Variants in DCLK1 observed in about 807,000 individuals in gnomAD.
DCLK1 encodes serine/threonine-protein kinase DCLK1.
DCLK1 carries 16 observed loss-of-function variants against 86.2 expected under a neutral mutation model. That is an observed-to-expected ratio of 0.19 (90% CI 0.13 to 0.28). DCLK1 has a LOEUF of 0.28. Among genes scored for constraint, DCLK1 ranks in the 10% least tolerant of loss-of-function variants. DCLK1 has a pLI of 1.00. For missense variants in DCLK1, 590 were observed against 940.2 expected (o/e 0.63, Z 4.87); for synonymous variants, 369 against 370.5 (o/e 1.00, Z 0.05).
chr13:35,999,796 G>C (rs1593804483), intron 3 of DCLK1, among the ~76,000 whole-genome samples: 1 of 152,132 alleles, frequency 6.6e-6, no homozygotes, highest in Non-Finnish European at 1.5e-5. Context: ...GATCTGTTGG[G>C]AGATGGTCTG....
intron 3 of DCLK1, among the ~76,000 whole-genome samples, chr13:36,085,804 G>C (rs1343136452): frequency 6.7e-6 from 1 of 148,184 alleles, no homozygotes; most frequent in Non-Finnish European, 1.5e-5. Flanking sequence ...CACATGGGCA[G>C]ACCAAGAGAC....
At chr13:35,953,264 T>C (rs1877804168) in intron 3 of DCLK1, among the ~76,000 whole-genome samples, 1 of 152,148 alleles carries the variant, frequency 6.6e-6, no homozygotes, top group South Asian at 2.1e-4. Context: ...AGTAGGAATT[T>C]GAACGGAGGT....
chr13:36,071,276 A>G (rs1427611452), intron 3 of DCLK1, among the ~76,000 whole-genome samples: 2 of 152,136 alleles, frequency 1.3e-5, no homozygotes, highest in Non-Finnish European at 2.9e-5. Flanking sequence ...ATATACATGT[A>G]ATAGAAGAGA....
At chr13:36,046,871 A>G (rs983881114) in intron 3 of DCLK1, among the ~76,000 whole-genome samples, 1 of 152,222 alleles carries the variant, frequency 6.6e-6, no homozygotes, top group Admixed American at 6.5e-5. Context: ...GTCAGAACCA[A>G]GTTTGCATAA....
chr13:35,874,004 T>C (rs1392774630), intron 4 of DCLK1, among the ~76,000 whole-genome samples: 1 of 152,224 alleles, frequency 6.6e-6, no homozygotes, highest in African/African-American at 2.4e-5. Flanking sequence ...TGTTGAAATA[T>C]GTTAGCTTTT....
chr13:35,782,715 A>G (rs1021495075), intron 16 of DCLK1, among the ~76,000 whole-genome samples: 1 of 152,252 alleles, frequency 6.6e-6, no homozygotes, highest in Non-Finnish European at 1.5e-5. Context: ...TATTTATTGA[A>G]GGCCTCTTCT....
chr13:35,987,129 G>A (rs1237327970), intron 3 of DCLK1, among the ~76,000 whole-genome samples: 1 of 152,156 alleles, frequency 6.6e-6, no homozygotes, highest in Non-Finnish European at 1.5e-5. Flanking sequence ...TGAGAATTAA[G>A]TATCAGTGGC....
chr13:35,961,442 T>G (rs963508320), intron 3 of DCLK1, among the ~76,000 whole-genome samples: 2 of 152,236 alleles, frequency 1.3e-5, no homozygotes, highest in African/African-American at 4.8e-5. Flanking sequence ...CTAACAGCTG[T>G]TAGATTCAGA....
At chr13:35,801,551 T>C (rs2086920759) in intron 15 of DCLK1, among the ~76,000 whole-genome samples, 1 of 152,092 alleles carries the variant, frequency 6.6e-6, no homozygotes, top group Non-Finnish European at 1.5e-5. Flanking sequence ...TTAAATTCTC[T>C]CCCTGCTTTT....
At chr13:35,836,011 A>G in intron 8 of DCLK1, 22 bp downstream of exon 8, 1 of 1,521,820 alleles carries the variant, frequency 6.6e-7, no homozygotes. Context: ...TTAAGGTTTG[A>G]TGCAAATGAT....
At chr13:35,791,472 A>G (rs2086707014) in intron 16 of DCLK1, among the ~76,000 whole-genome samples, 2 of 149,088 alleles carry the variant, frequency 1.3e-5, no homozygotes, top group South Asian at 2.1e-4. Flanking sequence ...GACATTTAGG[A>G]AAAAAAAAAG....
chr13:35,822,622 C>T, intron 11 of DCLK1, 107 bp downstream of exon 11: 5 of 1,507,450 alleles, frequency 3.3e-6, no homozygotes, highest in African/African-American at 2.8e-5. Context: ...TGGAAATTAA[C>T]CTTTCAGGTA....
At chr13:36,023,002 G>A (rs1020949395) in intron 3 of DCLK1, among the ~76,000 whole-genome samples, 4 of 152,144 alleles carry the variant, frequency 2.6e-5, no homozygotes, top group African/African-American at 7.2e-5. Flanking sequence ...ATGCTGAACC[G>A]AATACTAGAA....
chr13:35,836,107 T>C lies in DCLK1; in HGVS notation c.1155A>G (p.Thr385=), dbSNP rs1414596351. Residue 385 remains threonine (T), a synonymous_variant, in exon 8 of 17, where the codon ACA becomes ACG. Transcript: ENST00000360631. ...TTCCGACTTTATATCGTTCTGTTAT[T>C]GTAGCTGGAATCTGGAAGCCTTCCT... ...VSEEGFQIPA[T]ITERYKVGRT... is the part of the protein sequence containing the mutation. The C allele has an allele frequency of 1.2e-6, 2 of 1,613,094 alleles. No homozygotes were observed. The highest frequency in any genetic ancestry group is 2.2e-5 in the East Asian group (1 of 44,860).
At chr13:35,871,772 C>T (rs1008784403) in intron 4 of DCLK1, among the ~76,000 whole-genome samples, 1 of 152,092 alleles carries the variant, frequency 6.6e-6, no homozygotes, top group Non-Finnish European at 1.5e-5. Context: ...TTCCGCCCAC[C>T]ACAACAGGAC....
At chr13:35,775,208 A>T (rs532676024) in intron 16 of DCLK1, among the ~76,000 whole-genome samples, 4 of 152,244 alleles carry the variant, frequency 2.6e-5, no homozygotes, top group Admixed American at 6.5e-5. Context: ...ACTCTAAATG[A>T]TCTTATTATC....
intron 6 of DCLK1, among the ~76,000 whole-genome samples, chr13:35,851,520 C>T (rs1870636579): frequency 6.6e-6 from 1 of 152,080 alleles, no homozygotes; most frequent in African/African-American, 2.4e-5. Flanking sequence ...AGATAATCTA[C>T]AAAAGTCAGT....
chr13:36,099,649 C>T (rs73165311), intron 3 of DCLK1, among the ~76,000 whole-genome samples: 7,631 of 152,264 alleles, frequency 0.05, 252 homozygotes, highest in Non-Finnish European at 0.074. Flanking sequence ...AGGACTTGCA[C>T]ATTTTAAACA....
At chr13:35,920,088 C>T (rs549197273) in intron 4 of DCLK1, among the ~76,000 whole-genome samples, 1 of 152,278 alleles carries the variant, frequency 6.6e-6, no homozygotes, top group Admixed American at 6.5e-5. Flanking sequence ...TTTCAAACTT[C>T]ACAATGTTCT....
Sources: allele counts gnomAD v4.1 joint callset (sites outside exome capture counted in the v4.1 genomes callset), GRCh38; gene constraint gnomAD v4.1.1; transcripts MANE v1.5; gene names NCBI Gene and HGNC (gene_info 2026-07-23, HGNC 2026-07-21).